RAP1GDS1: variants seen among roughly 807,000 people sequenced by gnomAD.
RAP1GDS1 encodes the protein RAP1, GTP-GDP dissociation stimulator 1.
In RAP1GDS1, 35 loss-of-function variants were observed where a neutral mutation model predicts 71.1. The observed-to-expected ratio is 0.49, with a 90% CI of 0.38 to 0.65. The LOEUF (loss-of-function observed/expected upper bound fraction) is 0.65. Ranked by LOEUF, RAP1GDS1 falls within the 30% of genes least tolerant of loss-of-function variation. The probability of loss-of-function intolerance (pLI) is 0.00; values close to 1 mark genes in which losing one functional copy is unlikely to be tolerated. For missense variants in RAP1GDS1, 663 were observed against 706.1 expected, an observed-to-expected ratio of 0.94 and a Z score of 0.69; for synonymous variants, 229 against 243.1, an observed-to-expected ratio of 0.94 and a Z score of 0.54.
intron 1 of RAP1GDS1, among the ~76,000 whole-genome samples, chr4:98,277,937 T>TA (rs1418969766): frequency 6.6e-6 from 1 of 152,220 alleles, no homozygotes; most frequent in East Asian, 1.9e-4. Context: ...CTGATGAAAA[T>TA]ACGCTTTCTA....
chr4:98,331,787 A>C (rs1297331001), intron 2 of RAP1GDS1, among the ~76,000 whole-genome samples: 2 of 152,218 alleles, frequency 1.3e-5, no homozygotes, highest in African/African-American at 4.8e-5. Context: ...AAAAATCTTA[A>C]TTTAGAATTT....
intron 2 of RAP1GDS1, among the ~76,000 whole-genome samples, chr4:98,309,181 A>C (rs1729834622): frequency 6.6e-6 from 1 of 152,006 alleles, no homozygotes; most frequent in African/African-American, 2.4e-5. Flanking sequence ...ATTAGAACAA[A>C]ATTTTTAAAA....
In RAP1GDS1 at chr4:98,379,016, G is replaced by C; in HGVS notation, c.362-1G>C. 1 of 1,579,188 alleles carries C rather than the reference G, an allele frequency of 6.3e-7. No homozygotes were observed. The highest frequency in any genetic ancestry group is 8.6e-7 in the Non-Finnish European group (1 of 1,165,504). On this transcript the variant is annotated splice_acceptor_variant, in intron 4 of 14. Transcript: ENST00000408927. LOFTEE classifies it high-confidence loss of function. ...TTTTAATTTAACTCTTTGTTTTACA[G>C]ATGAGGGCAGAAGTGCAGTTGACCA... is the stretch of plus-strand genomic sequence containing the variant.
chr4:98,280,669 C>T (rs941745566), intron 1 of RAP1GDS1, among the ~76,000 whole-genome samples: 5 of 152,064 alleles, frequency 3.3e-5, no homozygotes, highest in Non-Finnish European at 7.4e-5. Flanking sequence ...GTGTTTTAGT[C>T]ATGAAGTCCT....
intron 4 of RAP1GDS1, among the ~76,000 whole-genome samples, chr4:98,366,612 T>C (rs1354722806): frequency 6.6e-6 from 1 of 152,154 alleles, no homozygotes. Context: ...CTTGAATGGC[T>C]TTGCCCAAAA....
At chr4:98,273,110 T>C (rs897752123) in intron 1 of RAP1GDS1, among the ~76,000 whole-genome samples, 1 of 152,154 alleles carries the variant, frequency 6.6e-6, no homozygotes, top group Non-Finnish European at 1.5e-5. Flanking sequence ...TCATCTAGGC[T>C]CTCGTCTCCT....
intron 4 of RAP1GDS1, among the ~76,000 whole-genome samples, chr4:98,363,617 A>G (rs1382496612): frequency 6.6e-6 from 1 of 152,136 alleles, no homozygotes; most frequent in Non-Finnish European, 1.5e-5. Flanking sequence ...AAAGTTCAAG[A>G]AACAAACAAA....
intron 1 of RAP1GDS1, among the ~76,000 whole-genome samples, chr4:98,290,785 AT>A (rs1726808680): frequency 6.6e-6 from 1 of 152,066 alleles, no homozygotes; most frequent in Admixed American, 6.6e-5. Flanking sequence ...AAATGTGGTA[AT>A]TCTTTATATT....
chr4:98,350,505 G>A (rs149094643), intron 3 of RAP1GDS1, among the ~76,000 whole-genome samples: 150 of 152,008 alleles, frequency 9.9e-4, no homozygotes, highest in African/African-American at 3.3e-3. Flanking sequence ...CTAGAAGTTC[G>A]ACACCAGCCA....
chr4:98,285,187 A>T (rs1301348174), intron 1 of RAP1GDS1, among the ~76,000 whole-genome samples: 1 of 152,208 alleles, frequency 6.6e-6, no homozygotes, highest in Admixed American at 6.5e-5. Context: ...GAAATTCATC[A>T]AAGTAGGAAC....
At chr4:98,267,799 G>A (rs1312795894) in intron 1 of RAP1GDS1, among the ~76,000 whole-genome samples, 1 of 151,998 alleles carries the variant, frequency 6.6e-6, no homozygotes, top group Non-Finnish European at 1.5e-5. Flanking sequence ...ATAGTGCTGC[G>A]ATGAAGATCC....
At chr4:98,328,452 G>T (rs1733469808) in intron 2 of RAP1GDS1, among the ~76,000 whole-genome samples, 1 of 152,144 alleles carries the variant, frequency 6.6e-6, no homozygotes, top group African/African-American at 2.4e-5. Context: ...TCTAGTTAGG[G>T]CATCGGGTGG....
chr4:98,326,136 T>C (rs1043161246), intron 2 of RAP1GDS1, among the ~76,000 whole-genome samples: 4 of 151,346 alleles, frequency 2.6e-5, no homozygotes, highest in African/African-American at 7.3e-5. Context: ...TGGTTTGATA[T>C]TTCTTTCATT....
chr4:98,282,719 C>T (rs573017727), intron 1 of RAP1GDS1, among the ~76,000 whole-genome samples: 1 of 152,024 alleles, frequency 6.6e-6, no homozygotes, highest in African/African-American at 2.4e-5. Flanking sequence ...GTTAGAATGT[C>T]TATTTTAGAT....
intron 2 of RAP1GDS1, among the ~76,000 whole-genome samples, chr4:98,326,554 T>C (rs1466921963): frequency 6.6e-6 from 1 of 152,244 alleles, no homozygotes; most frequent in Non-Finnish European, 1.5e-5. Context: ...GCTTTCTTTT[T>C]CACTACAGAT....
intron 2 of RAP1GDS1, among the ~76,000 whole-genome samples, chr4:98,309,612 T>G (rs1729907312): frequency 6.6e-6 from 1 of 151,944 alleles, no homozygotes; most frequent in African/African-American, 2.4e-5. Flanking sequence ...TGATCCCAAA[T>G]TTAAAAAGAA....
At chr4:98,406,397 A>G (rs1306111737) in intron 7 of RAP1GDS1, among the ~76,000 whole-genome samples, 5 of 152,032 alleles carry the variant, frequency 3.3e-5, no homozygotes, top group African/African-American at 9.6e-5. Context: ...TAGTTATATT[A>G]ATATCAAGTA....
intron 2 of RAP1GDS1, among the ~76,000 whole-genome samples, chr4:98,329,811 A>C (rs1360852396): frequency 6.7e-6 from 1 of 149,384 alleles, no homozygotes; most frequent in Admixed American, 6.6e-5. Flanking sequence ...AAAAAAAAAA[A>C]GTGCCCATTA....
chr4:98,339,539 A>C (rs1386471296), intron 2 of RAP1GDS1, among the ~76,000 whole-genome samples: 1 of 152,110 alleles, frequency 6.6e-6, no homozygotes, highest in Non-Finnish European at 1.5e-5. Flanking sequence ...TTTTTAAACA[A>C]GACTTCTGAT....
Sources: gnomAD v4.1 joint callset for allele counts (sites outside exome capture counted in the v4.1 genomes callset) on GRCh38, gnomAD v4.1.1 for gene constraint, MANE v1.5 for transcripts, NCBI Gene and HGNC (gene_info 2026-07-23, HGNC 2026-07-21) for gene names.